BICC1: variants seen among roughly 807,000 people sequenced by gnomAD.
The protein encoded by BICC1 is BicC family RNA binding protein 1, also known as protein bicaudal C homolog 1.
Under a neutral mutation model 111.0 loss-of-function variants are expected in BICC1, and 43 were observed. The observed-to-expected ratio is 0.39, with a 90% CI of 0.30 to 0.50. The LOEUF (loss-of-function observed/expected upper bound fraction) is 0.50. Among genes scored for constraint, BICC1 ranks in the 20% least tolerant of loss-of-function variants. BICC1 has a pLI of 0.88. For missense variants in BICC1, 1,091 were observed against 1,203.2 expected (o/e 0.91, Z 1.38); for synonymous variants, 467 against 434.4 (o/e 1.07, Z -0.93).
intron 3 of BICC1, among the ~76,000 whole-genome samples, chr10:58,719,182 T>C (rs1840858611): frequency 6.6e-6 from 1 of 152,238 alleles, no homozygotes; most frequent in Non-Finnish European, 1.5e-5. Flanking sequence ...CCTTCTGTGC[T>C]GTGCAACTTC....
chr10:58,809,988 C>T (rs189110703), intron 17 of BICC1, among the ~76,000 whole-genome samples: 2 of 152,286 alleles, frequency 1.3e-5, no homozygotes, highest in East Asian at 3.9e-4. Flanking sequence ...GCTTAATAAT[C>T]CAGACTCTTC....
At chr10:58,741,185 A>T (rs561138610) in intron 3 of BICC1, among the ~76,000 whole-genome samples, 2 of 152,324 alleles carry the variant, frequency 1.3e-5, no homozygotes, top group East Asian at 3.9e-4. Context: ...GAAGGTGTTG[A>T]CCGTAATACA....
In BICC1 at chr10:58,541,128, C is replaced by G. The variant is rs546438798; in HGVS notation, c.190+27795C>G. Among the ~76,000 whole-genome samples the G allele has an allele frequency of 2.0e-5, 3 of 152,198 alleles. No homozygotes were observed. In the South Asian group the frequency reaches 6.2e-4, roughly 32 times the overall value. ...CAGTGGTGAAAACTGAATCCTTTCT[C>G]TTTAAGATGATGCACAAGGGAAGGA... is the stretch of plus-strand genomic sequence containing the variant. On this transcript the variant is annotated intron_variant, in intron 1 of 20. Coordinates refer to ENST00000373886, the MANE Select transcript of BICC1 (RefSeq NM_001080512.3).
intron 1 of BICC1, among the ~76,000 whole-genome samples, chr10:58,595,876 A>G (rs953540389): frequency 4.6e-5 from 7 of 152,272 alleles, no homozygotes; most frequent in African/African-American, 1.7e-4. Flanking sequence ...AGCAAAACTG[A>G]AGGATATAGA....
chr10:58,569,651 C>T (rs1360936836), intron 1 of BICC1, among the ~76,000 whole-genome samples: 1 of 152,164 alleles, frequency 6.6e-6, no homozygotes, highest in African/African-American at 2.4e-5. Flanking sequence ...GTTCGGTTTT[C>T]TGTTCCTGTG....
At position 58,621,602 on chromosome 10, in the gene BICC1, C is replaced by T. The variant is rs1391394399; in HGVS notation, c.237+701C>T. On this transcript the variant is annotated intron_variant, in intron 2 of 20. Transcript: ENST00000373886. Reference sequence around the variant, plus strand: ...CCGAGGCTATCAGATTACTTGAGTCCAGGAATCAAAGACCAGCCTGGGGCA... The same window carrying T: ...CCGAGGCTATCAGATTACTTGAGTCTAGGAATCAAAGACCAGCCTGGGGCA... Among the ~76,000 whole-genome samples, 7 of 152,106 alleles carry T rather than the reference C, an allele frequency of 4.6e-5. No individual in the cohort carries two copies. The East Asian group carries it at 9.7e-4, about 21-fold the overall frequency.
intron 1 of BICC1, among the ~76,000 whole-genome samples, chr10:58,610,301 A>G (rs758698438): frequency 5.3e-5 from 8 of 152,168 alleles, no homozygotes; most frequent in Non-Finnish European, 8.8e-5. Context: ...TGACAGGGTC[A>G]GCACTGTCTT....
intron 2 of BICC1, among the ~76,000 whole-genome samples, chr10:58,686,634 T>G (rs891973150): frequency 6.6e-6 from 1 of 152,174 alleles, no homozygotes; most frequent in African/African-American, 2.4e-5. Flanking sequence ...CAATCACTTA[T>G]ACCCTTTCTT....
At chr10:58,532,022 T>A (rs550446574) in intron 1 of BICC1, among the ~76,000 whole-genome samples, 1 of 151,862 alleles carries the variant, frequency 6.6e-6, no homozygotes, top group Admixed American at 6.6e-5. Flanking sequence ...CAAACTACAA[T>A]AGCCAAAACC....
intron 1 of BICC1, among the ~76,000 whole-genome samples, chr10:58,536,859 A>C (rs1361454761): frequency 6.6e-6 from 1 of 151,842 alleles, no homozygotes; most frequent in East Asian, 1.9e-4. Context: ...TTAGAAGTGA[A>C]AATGGAGACA....
At chr10:58,783,659 T>G (rs575155518) in intron 3 of BICC1, among the ~76,000 whole-genome samples, 1 of 152,296 alleles carries the variant, frequency 6.6e-6, no homozygotes, top group East Asian at 1.9e-4. Flanking sequence ...TTACTGACTC[T>G]TTACTGCCTG....
At chr10:58,600,865 A>G (rs1038515898) in intron 1 of BICC1, among the ~76,000 whole-genome samples, 8 of 152,016 alleles carry the variant, frequency 5.3e-5, no homozygotes, top group African/African-American at 1.9e-4. Flanking sequence ...CATAGAAAAT[A>G]TGTTTTAATC....
chr10:58,527,114 G>A (rs1045059347), intron 1 of BICC1, among the ~76,000 whole-genome samples: 6 of 152,286 alleles, frequency 3.9e-5, no homozygotes, highest in East Asian at 1.9e-4. Context: ...TTTAATGATT[G>A]CCATTCTAAC....
chr10:58,581,693 C>T (rs1844284737), intron 1 of BICC1, among the ~76,000 whole-genome samples: 1 of 152,066 alleles, frequency 6.6e-6, no homozygotes, highest in South Asian at 2.1e-4. Context: ...ATCGGTTTTT[C>T]CTAGACGCAA....
chr10:58,514,539 A>G lies in BICC1; in HGVS notation c.190+1206A>G, dbSNP rs146309247. 1.6e-3 allele frequency among the ~76,000 whole-genome samples: 242 copies of G among 152,372 alleles called. No homozygotes were observed. The Middle Eastern group carries it at 0.02, about 13-fold the overall frequency. On this transcript the variant is annotated intron_variant, in intron 1 of 20. Coordinates refer to ENST00000373886, the MANE Select transcript of BICC1 (RefSeq NM_001080512.3). ...AGAGAACAACATGTTTTCCAAAACA[A>G]TAACTTGGTGGAAACAAATAGCAAG...
chr10:58,621,321 G>A (rs1485263163), intron 2 of BICC1, among the ~76,000 whole-genome samples: 1 of 152,090 alleles, frequency 6.6e-6, no homozygotes, highest in Non-Finnish European at 1.5e-5. Flanking sequence ...TGTTCTACTG[G>A]CCAAATAGAA....
chr10:58,690,298 A>G (rs1403167168), intron 2 of BICC1, among the ~76,000 whole-genome samples: 1 of 152,004 alleles, frequency 6.6e-6, no homozygotes, highest in Admixed American at 6.5e-5. Context: ...TGTGAAAGAG[A>G]TACATTTTTC....
At chr10:58,824,032 G>T in intron 20 of BICC1, 1 of 984,716 alleles carries the variant, frequency 1.0e-6, no homozygotes, top group Non-Finnish European at 1.2e-6. Context: ...AGTGAAGCTG[G>T]GTTTTTCTAT....
chr10:58,801,493 T>C (rs1843546447), intron 14 of BICC1, among the ~76,000 whole-genome samples: 1 of 152,224 alleles, frequency 6.6e-6, no homozygotes, highest in Admixed American at 6.5e-5. Context: ...ATCATGACTT[T>C]GTTTATTCCA....
Sources: allele counts gnomAD v4.1 joint callset (sites outside exome capture counted in the v4.1 genomes callset), GRCh38; gene constraint gnomAD v4.1.1; transcripts MANE v1.5; gene names NCBI Gene and HGNC (gene_info 2026-07-23, HGNC 2026-07-21).